Variants in TTC21B observed in about 807,000 individuals in gnomAD.
The protein encoded by TTC21B is tetratricopeptide repeat domain 21B, also known as tetratricopeptide repeat protein 21B.
TTC21B carries 127 observed loss-of-function variants against 175.1 expected under a neutral mutation model. The observed-to-expected ratio is 0.73, with a 90% confidence interval of 0.63 to 0.84. The LOEUF is 0.84. Among genes scored for constraint, TTC21B ranks in the 40% least tolerant of loss-of-function variants. The pLI is 0.00. For missense variants in TTC21B, 1,561 were observed against 1,558.3 expected (o/e 1.00, Z -0.03); for synonymous variants, 524 against 524.5 (o/e 1.00, Z 0.01).
chr2:165,944,036 CT>C (rs1016364494), intron 4 of TTC21B, among the ~76,000 whole-genome samples: 9 of 151,936 alleles, frequency 5.9e-5, no homozygotes, highest in African/African-American at 2.2e-4. Flanking sequence ...ATTTATAAAC[CT>C]TTAACTAAGA....
At chr2:165,912,422 T>C in intron 17 of TTC21B, 92 bp downstream of exon 17, 1 of 985,542 alleles carries the variant, frequency 1.0e-6, no homozygotes, top group African/African-American at 1.6e-5. Context: ...TTACAACCAT[T>C]AAAGATGCAA....
rs1216094746 is a variant in TTC21B, at chr2:165,915,459, A to T, written c.1900-20T>A. On this transcript the variant is annotated intron_variant, in intron 14 of 28. Coordinates refer to ENST00000243344, the MANE Select transcript of TTC21B (RefSeq NM_024753.5). Reference sequence around the variant, plus strand: ...CTCATGCTGTAAAGATGAAATTAAAATAATCATTCTTCCAAAATAGTGAAC... The same window carrying T: ...CTCATGCTGTAAAGATGAAATTAAATTAATCATTCTTCCAAAATAGTGAAC... 1 of 1,573,890 alleles carries T rather than the reference A, an allele frequency of 6.4e-7. No individual in the cohort carries two copies. Among genetic ancestry groups the T allele is most frequent in the African/African-American group, 1.3e-5 (1 of 74,084 alleles).
At chr2:165,919,992 T>C (rs145847380) in intron 12 of TTC21B, among the ~76,000 whole-genome samples, 1 of 152,282 alleles carries the variant, frequency 6.6e-6, no homozygotes, top group African/African-American at 2.4e-5. Flanking sequence ...ATGCCAGTTA[T>C]ATATCTGGGA....
chr2:165,880,768 T>G lies in TTC21B; in HGVS notation c.3716A>C (p.Tyr1239Ser). The G allele has an allele frequency of 6.2e-7, 1 of 1,613,096 alleles. No individual in the cohort carries two copies. ...ATATGCTTGCTCTTTTTCCATAATG[T>G]ATCCCATATATTCATAAGCTTTGCA... ...SCCKAYEYMGYIMEKEQAYTD... is the reference protein window; with the variant it reads ...SCCKAYEYMGSIMEKEQAYTD... Residue 1239 changes from tyrosine (Y) to serine (S), a missense_variant, in exon 27 of 29, where the codon TAC becomes TCC. Transcript: ENST00000243344.
rs369065819 is a variant in TTC21B at position 165,890,992 on chromosome 2, G to A, written c.2951-4C>T. On this transcript the variant is annotated splice_polypyrimidine_tract_variant and splice_region_variant and intron_variant, in intron 22 of 28. Transcript: ENST00000243344. ...CGAGATAATGTCATATAATTATCTA[G>A]AAACAAATAATACTTCAGATATGGG... 3.0e-5 allele frequency: 49 copies of A among 1,609,018 alleles called. No individual in the cohort carries two copies. Among genetic ancestry groups the A allele is most frequent in the Middle Eastern group, 1.7e-4 (1 of 6,050 alleles).
rs112877551 is a variant in TTC21B at position 165,945,779 on chromosome 2, CTT to C, written c.263-91_263-90del. ...GATAATTAACAAGGCAAAAAATTTA[CTT>C]CTCTCTATAGTGGTACTGTCTAATA... On this transcript the variant is annotated intron_variant, in intron 3 of 28. Coordinates refer to ENST00000243344, the MANE Select transcript of TTC21B (RefSeq NM_024753.5). 1.9e-3 allele frequency: 2,623 copies of C among 1,351,256 alleles called. 31 individuals carry two copies. The African/African-American group carries it at 0.029, about 15-fold the overall frequency. 83.7% of individuals were successfully genotyped at this position (1,351,256 alleles called of 1,614,324 possible). A position where few individuals can be genotyped will look rare whatever the true frequency, so the allele number is the denominator to read the frequency against.
intron 26 of TTC21B, among the ~76,000 whole-genome samples, chr2:165,882,029 C>T (rs187868172): frequency 1.3e-5 from 2 of 152,192 alleles, no homozygotes; most frequent in East Asian, 3.9e-4. Flanking sequence ...TAAAGCTCAG[C>T]ACAGCTGCAT....
rs774891533 is a variant in TTC21B at position 165,890,581 on chromosome 2, T to G, written c.3161A>C (p.Asp1054Ala). The G allele has an allele frequency of 1.2e-6, 2 of 1,613,822 alleles. No individual in the cohort carries two copies. Among genetic ancestry groups the G allele is most frequent in the South Asian group, 2.2e-5 (2 of 91,072 alleles). ...ATTATAAAGGGCATTTTGGCCCCAG[T>G]CACGATCTTTCCGAGCTTTATTAAA... is the stretch of plus-strand genomic sequence containing the variant. The part of the protein sequence containing the change: ...RHFNKARKDR[D>A]WGQNALYNMI... The change falls in exon 24 of 29, where the codon GAC becomes GCC. Residue 1054 changes from aspartate to alanine, a missense_variant. Coordinates refer to ENST00000243344, the MANE Select transcript of TTC21B (RefSeq NM_024753.5).
intron 18 of TTC21B, among the ~76,000 whole-genome samples, chr2:165,908,124 T>G (rs1167143579): frequency 1.3e-5 from 2 of 152,174 alleles, no homozygotes; most frequent in Non-Finnish European, 2.9e-5. Context: ...GAAGATAGAG[T>G]AGTTGCTATA....
chr2:165,913,217 G>A (rs1357596042), intron 16 of TTC21B, among the ~76,000 whole-genome samples: 3 of 151,980 alleles, frequency 2.0e-5, no homozygotes, highest in African/African-American at 7.3e-5. Flanking sequence ...GTAGAGACGG[G>A]GTTTCACCAT....
chr2:165,876,355 C>T, intron 27 of TTC21B, 123 bp from the exon 28 acceptor site: 1 of 714,406 alleles, frequency 1.4e-6, no homozygotes, highest in Non-Finnish European at 2.6e-6. Context: ...AATGAACAAC[C>T]AAACTACGCT....
At chr2:165,949,310 A>G (rs1687687066) in intron 3 of TTC21B, 84 bp downstream of exon 3, 2 of 975,446 alleles carry the variant, frequency 2.1e-6, no homozygotes, top group Non-Finnish European at 3.3e-6. Context: ...TAGTGTGATC[A>G]GACTGAATGA....
At chr2:165,919,136 A>T in intron 13 of TTC21B, 140 bp downstream of exon 13, 1 of 987,182 alleles carries the variant, frequency 1.0e-6, no homozygotes, top group Non-Finnish European at 1.6e-6. Flanking sequence ...TTTTCCTCCT[A>T]CTGCTTGTGA....
chr2:165,922,566 C>CA (rs71031215), intron 12 of TTC21B, among the ~76,000 whole-genome samples: 49,921 of 97,640 alleles, frequency 0.51, 11,269 homozygotes, highest in Admixed American at 0.64. Context: ...ATTAAAAAGT[C>CA]AAAAAAAAAA....
intron 11 of TTC21B, among the ~76,000 whole-genome samples, chr2:165,925,618 C>T (rs935004307): frequency 6.6e-6 from 1 of 152,110 alleles, no homozygotes; most frequent in Admixed American, 6.6e-5. Flanking sequence ...AATATATACG[C>T]TCAAAAAGAT....
chr2:165,878,983 T>C (rs539600809), intron 27 of TTC21B, among the ~76,000 whole-genome samples: 4 of 152,158 alleles, frequency 2.6e-5, no homozygotes, highest in East Asian at 1.9e-4. Context: ...CGCCTGGCCA[T>C]GAGCATGATT....
intron 22 of TTC21B, among the ~76,000 whole-genome samples, chr2:165,895,998 A>G (rs1366741692): frequency 6.6e-6 from 1 of 152,212 alleles, no homozygotes; most frequent in Non-Finnish European, 1.5e-5. Flanking sequence ...TTTTAAATAC[A>G]AACTGATGTT....
chr2:165,878,709 TCTCA>T (rs1684749084), intron 27 of TTC21B, among the ~76,000 whole-genome samples: 1 of 142,278 alleles, frequency 7.0e-6, no homozygotes, highest in Non-Finnish European at 1.5e-5. Flanking sequence ...TGAGACAGAG[TCTCA>T]CTCCGTCAAC....
At chr2:165,924,509 T>C (rs373489727) in intron 12 of TTC21B, 40 bp downstream of exon 12, 12 of 1,593,370 alleles carry the variant, frequency 7.5e-6, no homozygotes, top group Non-Finnish European at 1.0e-5. Flanking sequence ...TTTATCAACA[T>C]CAGAATAAAA....
Sources: allele counts gnomAD v4.1 joint callset (sites outside exome capture counted in the v4.1 genomes callset), GRCh38; gene constraint gnomAD v4.1.1; transcripts MANE v1.5; gene names NCBI Gene and HGNC (gene_info 2026-07-23, HGNC 2026-07-21).